GABRG3: variants seen among roughly 807,000 people sequenced by gnomAD.
The protein encoded by GABRG3 is gamma-aminobutyric acid type A receptor subunit gamma3, also known as gamma-aminobutyric acid receptor subunit gamma-3.
GABRG3 carries 25 observed loss-of-function variants against 48.8 expected under a neutral mutation model. That is an observed-to-expected ratio of 0.51 (90% CI 0.37 to 0.72). The LOEUF is 0.72. GABRG3 is among the 30% of genes least tolerant of loss of function. The pLI is 0.00. For synonymous variants in GABRG3, 227 were observed against 217.6 expected, an observed-to-expected ratio of 1.04 and a Z score of -0.38; for missense variants, 394 against 577.9, an observed-to-expected ratio of 0.68 and a Z score of 3.26.
At chr15:26,972,588 C>T (rs1291840278) in intron 1 of GABRG3, among the ~76,000 whole-genome samples, 1 of 152,176 alleles carries the variant, frequency 6.6e-6, no homozygotes, top group South Asian at 2.1e-4. Flanking sequence ...TTTGACGCTT[C>T]TCCATTTCCT....
At chr15:27,367,521 T>C (rs1161184479) in intron 5 of GABRG3, among the ~76,000 whole-genome samples, 1 of 152,162 alleles carries the variant, frequency 6.6e-6, no homozygotes, top group East Asian at 1.9e-4. Flanking sequence ...AGTCTACAAT[T>C]TTACAATTCT....
At chr15:27,281,149 A>C (rs1191972217) in intron 3 of GABRG3, among the ~76,000 whole-genome samples, 5 of 152,196 alleles carry the variant, frequency 3.3e-5, no homozygotes, top group African/African-American at 1.2e-4. Flanking sequence ...TAATGCTTGC[A>C]TGATATATCC....
chr15:27,148,414 A>G (rs1247083659), intron 3 of GABRG3, among the ~76,000 whole-genome samples: 3 of 152,040 alleles, frequency 2.0e-5, no homozygotes, highest in Non-Finnish European at 4.4e-5. Context: ...GAATTTTACC[A>G]AACCTTTTAA....
intron 3 of GABRG3, among the ~76,000 whole-genome samples, chr15:27,216,747 A>AT (rs1889263827): frequency 2.1e-5 from 2 of 96,736 alleles, no homozygotes; most frequent in African/African-American, 8.6e-5. Flanking sequence ...TTTTTTTTTT[A>AT]TTTTTTATTT....
At position 27,021,040 on chromosome 15, in the gene GABRG3, G is replaced by A. The variant is rs144179822; in HGVS notation, c.203-5714G>A. ...TGTATATTTCAAAATAACTGAAAAGGAATAATTCAGATGTTCCTAGCACAA... is the reference window on the plus strand; with the variant it reads ...TGTATATTTCAAAATAACTGAAAAGAAATAATTCAGATGTTCCTAGCACAA... On this transcript the variant is annotated intron_variant, in intron 2 of 9. Transcript: ENST00000615808. Among the ~76,000 whole-genome samples, 135 of 152,094 alleles carry A rather than the reference G, an allele frequency of 8.9e-4. 2 individuals are homozygous for A. In the East Asian group the frequency reaches 0.013, roughly 15 times the overall value.
Position 26,991,035 on chromosome 15 carries a change from C to T in GABRG3, c.202+13885C>T, listed in dbSNP as rs561798848. The stretch of plus-strand genomic sequence containing the variant: ...GGCCAAGCTGTTCTTGAACTCCTGA[C>T]CTCGTGATCCACTCGCCTTGGCCTC... On this transcript the variant is annotated intron_variant, in intron 2 of 9. Coordinates refer to ENST00000615808, the MANE Select transcript of GABRG3 (RefSeq NM_033223.5). 3.9e-5 allele frequency among the ~76,000 whole-genome samples: 6 copies of T among 152,170 alleles called. No individual in the cohort carries two copies. In the South Asian group the frequency reaches 1.2e-3, roughly 32 times the overall value.
At chr15:27,366,644 G>C (rs1036852721) in intron 5 of GABRG3, among the ~76,000 whole-genome samples, 1 of 151,994 alleles carries the variant, frequency 6.6e-6, no homozygotes, top group East Asian at 1.9e-4. Flanking sequence ...GTCTTCACGG[G>C]GGTGAGAGGA....
chr15:27,194,926 T>C (rs1295131646), intron 3 of GABRG3, among the ~76,000 whole-genome samples: 2 of 152,012 alleles, frequency 1.3e-5, no homozygotes, highest in Non-Finnish European at 2.9e-5. Context: ...ACTAGTTCCC[T>C]GAGAATGTTT....
chr15:27,370,663 A>G (rs192452623), intron 5 of GABRG3, among the ~76,000 whole-genome samples: 20 of 152,354 alleles, frequency 1.3e-4, no homozygotes, highest in African/African-American at 4.6e-4. Flanking sequence ...TAAAGAAATC[A>G]CATGGTCTTT....
chr15:27,058,364 C>G (rs572469192), intron 3 of GABRG3, among the ~76,000 whole-genome samples: 1 of 152,108 alleles, frequency 6.6e-6, no homozygotes, highest in Non-Finnish European at 1.5e-5. Context: ...GCAGTTTAGA[C>G]GAGGGTAAAG....
chr15:27,186,483 C>T (rs568356437), intron 3 of GABRG3, among the ~76,000 whole-genome samples: 7 of 152,184 alleles, frequency 4.6e-5, no homozygotes, highest in South Asian at 2.1e-4. Flanking sequence ...GTGGGTGCAT[C>T]GTATGTCTTT....
At chr15:26,988,755 C>T (rs566475101) in intron 2 of GABRG3, among the ~76,000 whole-genome samples, 4 of 151,754 alleles carry the variant, frequency 2.6e-5, no homozygotes, top group Non-Finnish European at 5.9e-5. Flanking sequence ...CCTAATTAGC[C>T]GTAACTACAA....
intron 3 of GABRG3, among the ~76,000 whole-genome samples, chr15:27,230,523 T>C (rs575200655): frequency 1.3e-5 from 2 of 151,194 alleles, no homozygotes; most frequent in African/African-American, 2.4e-5. Context: ...TAGATTTTTT[T>C]CCCTAGAAAT....
At position 27,539,083 on chromosome 15, in the gene GABRG3, T is replaced by C. The variant is rs1343762893; in HGVS notation, c.*6202T>C. ...TGTAAAATAGACTCCCAAATCTCCT[T>C]TGGGAAAGGAACCTGTGGACCCTGG... On this transcript the variant is annotated 3_prime_UTR_variant, in exon 10 of 10. Coordinates refer to ENST00000615808, the MANE Select transcript of GABRG3 (RefSeq NM_033223.5). 1 of 152,148 alleles carries C rather than the reference T, an allele frequency of 6.6e-6. No homozygotes were observed. The highest frequency in any genetic ancestry group is 1.5e-5 in the Non-Finnish European group (1 of 68,028). The allele number at this position is 152,148 out of a possible 1,614,324, so 9.4% of individuals were successfully genotyped here. A position where few individuals can be genotyped will look rare whatever the true frequency, so the allele number is the denominator to read the frequency against.
At chr15:27,336,255 A>AAAAGAAAGAAAG (rs150626796) in intron 5 of GABRG3, among the ~76,000 whole-genome samples, 21 of 149,922 alleles carry the variant, frequency 1.4e-4, no homozygotes, top group African/African-American at 5.3e-4. Context: ...GAAAGAAAGA[A>AAAAGAAAGAAAG]AAAGAAAGAA....
intron 5 of GABRG3, among the ~76,000 whole-genome samples, chr15:27,443,922 C>T (rs71465233): frequency 0.1 from 15,505 of 152,150 alleles, 1,183 homozygotes; most frequent in African/African-American, 0.21. Flanking sequence ...TTCTCTTTTA[C>T]TCTGTTAATA....
rs2150867567 is a variant in GABRG3 at position 27,534,275 on chromosome 15, T to C, written c.*1394T>C. On this transcript the variant is annotated 3_prime_UTR_variant, in exon 10 of 10. Transcript: ENST00000615808. ...ACATATTTTGATGAACAAGATTATTTTATACTTTGAAATATGGATACATAG... is the reference window on the plus strand; with the variant it reads ...ACATATTTTGATGAACAAGATTATTCTATACTTTGAAATATGGATACATAG... 1 of 152,322 alleles carries C rather than the reference T, an allele frequency of 6.6e-6. No individual in the cohort carries two copies. Among genetic ancestry groups the C allele is most frequent in the African/African-American group, 2.4e-5 (1 of 41,568 alleles). The allele number at this position is 152,322 out of a possible 1,614,324, so 9.4% of individuals were successfully genotyped here. A position where few individuals can be genotyped will look rare whatever the true frequency, so the allele number is the denominator to read the frequency against.
chr15:27,436,591 A>G (rs1405162217), intron 5 of GABRG3, among the ~76,000 whole-genome samples: 1 of 152,266 alleles, frequency 6.6e-6, no homozygotes, highest in Non-Finnish European at 1.5e-5. Context: ...TGTTAAACAT[A>G]CAAGTGGAGA....
At chr15:27,481,075 A>G (rs1335092721) in intron 6 of GABRG3, 21 of 1,180,066 alleles carry the variant, frequency 1.8e-5, no homozygotes, top group African/African-American at 9.3e-5. Flanking sequence ...ACATAAACCA[A>G]TTTTGCTGAT....
Sources: allele counts gnomAD v4.1 joint callset (sites outside exome capture counted in the v4.1 genomes callset), GRCh38; gene constraint gnomAD v4.1.1; transcripts MANE v1.5; gene names NCBI Gene and HGNC (gene_info 2026-07-23, HGNC 2026-07-21).